METTL15: variants seen among roughly 807,000 people sequenced by gnomAD.
METTL15 encodes the protein 12S rRNA N(4)-cytidine methyltransferase METTL15.
METTL15 carries 34 observed loss-of-function variants against 38.3 expected under a neutral mutation model. That is an observed-to-expected ratio of 0.89 (90% CI 0.68 to 1.18). The LOEUF (loss-of-function observed/expected upper bound fraction) is 1.18. METTL15 is among the 50% of genes most tolerant of loss of function. The pLI, the probability that METTL15 is intolerant of heterozygous loss-of-function variation, is 0.00. For missense variants in METTL15, 438 were observed against 498.4 expected (o/e 0.88, Z 1.15); for synonymous variants, 162 against 170.9 (o/e 0.95, Z 0.41).
In METTL15 at chr11:28,344,347, CT is replaced by C. The variant is rs540642440; in HGVS notation, c.*190-7741del. ...GCCATATCTTCCTCGAATTAGGATT[CT>C]TAATATTTTTGAAGCCATGGTTCCT... On this transcript the variant is annotated intron_variant and NMD_transcript_variant, in intron 3 of 7. Coordinates refer to the METTL15 transcript ENST00000532947. Among the ~76,000 whole-genome samples the C allele has an allele frequency of 9.2e-5, 14 of 152,256 alleles. No individual in the cohort carries two copies. The East Asian group carries it at 2.7e-3, about 29-fold the overall frequency.
intron 6 of METTL15, among the ~76,000 whole-genome samples, chr11:28,488,980 C>T (rs201638961): frequency 6.6e-6 from 1 of 152,138 alleles, no homozygotes; most frequent in African/African-American, 2.4e-5. Context: ...GTTATGGCTA[C>T]AACCCTCTCT....
intron 4 of METTL15, among the ~76,000 whole-genome samples, chr11:28,259,115 G>A (rs1855091833): frequency 6.6e-6 from 1 of 151,942 alleles, no homozygotes; most frequent in Non-Finnish European, 1.5e-5. Context: ...GCCATGACTG[G>A]GTCCTTGCCT....
chr11:28,481,250 A>G (rs1317957176), intron 6 of METTL15, among the ~76,000 whole-genome samples: 2 of 152,196 alleles, frequency 1.3e-5, no homozygotes, highest in African/African-American at 4.8e-5. Context: ...TCCAGAAGGA[A>G]TGCAGTCTTG....
intron 5 of METTL15, among the ~76,000 whole-genome samples, chr11:28,420,852 A>T (rs1850813441): frequency 6.6e-6 from 1 of 152,088 alleles, no homozygotes. Context: ...TAGTAGAAGA[A>T]ATTACAAAGA....
intron 6 of METTL15, among the ~76,000 whole-genome samples, chr11:28,462,016 T>TGC (rs35203145): frequency 0.4 from 61,310 of 151,538 alleles, 14,175 homozygotes; most frequent in Admixed American, 0.52. Flanking sequence ...TTTGCCCGGG[T>TGC]GCCCTTGAGG....
At position 28,478,252 on chromosome 11, in the gene METTL15, A is replaced by T. The variant is rs963065296; in HGVS notation, c.*425-48226A>T. Among the ~76,000 whole-genome samples, 8 of 152,198 alleles carry T rather than the reference A, an allele frequency of 5.3e-5. No individual in the cohort carries two copies. In the East Asian group the frequency reaches 1.5e-3, roughly 29 times the overall value. The stretch of plus-strand genomic sequence containing the variant: ...GGAGTAAATTTCCTCTTATCTTGGT[A>T]AAAATGTTGACCATGCTGTTTTTAT... On this transcript the variant is annotated intron_variant and NMD_transcript_variant, in intron 6 of 7. Transcript: ENST00000532947.
At chr11:28,337,018 C>G (rs1015480384), downstream of METTL15, among the ~76,000 whole-genome samples, 5 of 151,980 alleles carry the variant, frequency 3.3e-5, no homozygotes, top group Non-Finnish European at 7.4e-5. Flanking sequence ...CATCCTGACC[C>G]TATGTACATC....
chr11:28,296,069 TA>T (rs1856722790), intron 5 of METTL15, among the ~76,000 whole-genome samples: 1 of 152,158 alleles, frequency 6.6e-6, no homozygotes, highest in African/African-American at 2.4e-5. Flanking sequence ...TGGTATTTTT[TA>T]TTCCTCCTCC....
intron 4 of METTL15, among the ~76,000 whole-genome samples, chr11:28,360,238 C>G (rs918428892): frequency 9.9e-5 from 15 of 152,282 alleles, no homozygotes; most frequent in Admixed American, 9.1e-4. Context: ...TCCCAATAGA[C>G]AAGTGTAAGA....
At chr11:28,430,484 C>A (rs1457254210) in intron 6 of METTL15, among the ~76,000 whole-genome samples, 1 of 26,390 alleles carries the variant, frequency 3.8e-5, no homozygotes, top group Non-Finnish European at 8.1e-5. Context: ...CCAGCCACCC[C>A]GTCCGGGAGG....
At chr11:28,272,433 C>G (rs1855681995) in intron 4 of METTL15, among the ~76,000 whole-genome samples, 1 of 152,114 alleles carries the variant, frequency 6.6e-6, no homozygotes, top group East Asian at 1.9e-4. Context: ...ATGGATGAAG[C>G]TGGAAACCAT....
chr11:28,204,629 A>C (rs943363268), intron 3 of METTL15, among the ~76,000 whole-genome samples: 1 of 151,718 alleles, frequency 6.6e-6, no homozygotes, highest in Non-Finnish European at 1.5e-5. Context: ...TTAAGCCCAG[A>C]TTCATCTCTA....
chr11:28,275,045 A>T (rs192835165), intron 4 of METTL15, among the ~76,000 whole-genome samples: 11 of 151,834 alleles, frequency 7.2e-5, no homozygotes, highest in African/African-American at 2.6e-4. Flanking sequence ...ACAATCTAGT[A>T]ATGCACCTCA....
At chr11:28,216,293 T>A (rs1250608373) in intron 4 of METTL15, among the ~76,000 whole-genome samples, 1 of 151,934 alleles carries the variant, frequency 6.6e-6, no homozygotes, top group East Asian at 1.9e-4. Flanking sequence ...GGCAAGTGGA[T>A]TAATGGAGGA....
At chr11:28,153,675 T>G (rs1468019914) in intron 3 of METTL15, among the ~76,000 whole-genome samples, 1 of 152,158 alleles carries the variant, frequency 6.6e-6, no homozygotes, top group Non-Finnish European at 1.5e-5. Flanking sequence ...TAAGTTTTGT[T>G]TGAGTGACCC....
intron 5 of METTL15, among the ~76,000 whole-genome samples, chr11:28,363,277 G>A (rs1344442123): frequency 1.3e-5 from 2 of 152,024 alleles, no homozygotes; most frequent in Non-Finnish European, 2.9e-5. Context: ...GGATTCAAGC[G>A]ATTATCCGGC....
intron 4 of METTL15, among the ~76,000 whole-genome samples, chr11:28,280,301 G>A (rs1462485943): frequency 2.0e-5 from 3 of 152,050 alleles, no homozygotes; most frequent in Non-Finnish European, 1.5e-5. Context: ...ATCTCTATCT[G>A]CCTTTAATTT....
At chr11:28,427,288 T>A (rs909429339) in intron 6 of METTL15, among the ~76,000 whole-genome samples, 7 of 152,200 alleles carry the variant, frequency 4.6e-5, no homozygotes, top group African/African-American at 1.7e-4. Flanking sequence ...GTTCCCTTGG[T>A]CTATGTGTCT....
intron 3 of METTL15, among the ~76,000 whole-genome samples, chr11:28,119,950 T>TA (rs760302711): frequency 2.6e-5 from 4 of 152,064 alleles, no homozygotes; most frequent in Non-Finnish European, 5.9e-5. Flanking sequence ...TAGAGGGAGA[T>TA]ATCTTTTTAA....
Sources: allele counts gnomAD v4.1 joint callset (sites outside exome capture counted in the v4.1 genomes callset), GRCh38; gene constraint gnomAD v4.1.1; transcripts MANE v1.5; gene names NCBI Gene and HGNC (gene_info 2026-07-23, HGNC 2026-07-21).